Variants in MYO1H observed in about 807,000 individuals in gnomAD.
MYO1H encodes the protein myosin IH.
A neutral mutation model predicts 149.3 loss-of-function variants in MYO1H; 118 were observed. The observed-to-expected ratio is 0.79, with a 90% confidence interval of 0.68 to 0.92. MYO1H has a LOEUF of 0.92. Ranked by LOEUF, MYO1H falls within the 40% of genes least tolerant of loss-of-function variation. The pLI, the probability that MYO1H is intolerant of heterozygous loss-of-function variation, is 0.00. For synonymous variants in MYO1H, 447 were observed against 465.2 expected (o/e 0.96, Z 0.50); for missense variants, 1,212 against 1,280.7 (o/e 0.95, Z 0.82).
rs1872140052 is a variant in MYO1H at position 109,441,761 on chromosome 12, A to T, written c.2632+53A>T. On this transcript the variant is annotated intron_variant, in intron 26 of 31. Coordinates refer to ENST00000310903, the Ensembl canonical transcript of MYO1H. ...TGGCTTTCCAATTCTAAAAGGAGTT[A>T]AAGGGTGGGGTGCGGTGGCTCATGC... 23 of 1,359,990 alleles carry T rather than the reference A, an allele frequency of 1.7e-5. No individual in the cohort carries two copies. In the South Asian group the frequency reaches 3.0e-4, roughly 17 times the overall value. The allele number at this position is 1,359,990 out of a possible 1,614,324, so 84.2% of individuals were successfully genotyped here. A position where few individuals can be genotyped will look rare whatever the true frequency, so the allele number is the denominator to read the frequency against.
At position 109,443,498 on chromosome 12, in the gene MYO1H, C is replaced by T. The variant is rs1420260839; in HGVS notation, c.2689-16C>T. Reference sequence around the variant, plus strand: ...TCTGCCCCACCTTCCCTGGTGAAGTCACCTTCCCCTTGCAGTATGGTGTCC... The same window carrying T: ...TCTGCCCCACCTTCCCTGGTGAAGTTACCTTCCCCTTGCAGTATGGTGTCC... On this transcript the variant is annotated splice_polypyrimidine_tract_variant and intron_variant, in intron 27 of 31. Transcript: ENST00000310903. 6.2e-7 allele frequency: 1 copy of T among 1,611,270 alleles called. No individual in the cohort carries two copies. Among genetic ancestry groups the T allele is most frequent in the Admixed American group, 1.7e-5 (1 of 59,932 alleles).
At chr12:109,444,587 C>T (rs919856059) in intron 30 of MYO1H, 58 bp downstream of exon 30, 3 of 1,370,762 alleles carry the variant, frequency 2.2e-6, no homozygotes, top group Admixed American at 3.5e-5. Flanking sequence ...TTTATTAAGG[C>T]CGAGCGTGGT....
chr12:109,386,122 T>C (rs986097241), intron 1 of MYO1H, among the ~76,000 whole-genome samples: 1 of 152,234 alleles, frequency 6.6e-6, no homozygotes, highest in Non-Finnish European at 1.5e-5. Flanking sequence ...AGTACGACTC[T>C]TTTGTGTCTG....
exon 32 of MYO1H, chr12:109,447,526 CATG>C (rs542727012): frequency 4.7e-5 from 20 of 421,312 alleles, no homozygotes; most frequent in Non-Finnish European, 7.9e-5. Context: ...TGCCCTGAGA[CATG>C]ATGAAATACT....
In MYO1H at chr12:109,447,145, T is replaced by C; in HGVS notation, c.3094-14T>C. ...CGGGGAAGGGCTGTAAACCGAAGTG[T>C]GACTCTCTCCCAGGTGTCAGTCCGG... On this transcript the variant is annotated splice_polypyrimidine_tract_variant and intron_variant, in intron 31 of 31. Coordinates refer to ENST00000310903, the Ensembl canonical transcript of MYO1H. 3 of 1,596,074 alleles carry C rather than the reference T, an allele frequency of 1.9e-6. No individual in the cohort carries two copies. Among genetic ancestry groups the C allele is most frequent in the Non-Finnish European group, 2.6e-6 (3 of 1,170,512 alleles).
intron 22 of MYO1H, among the ~76,000 whole-genome samples, chr12:109,437,284 C>T (rs1292058169): frequency 1.3e-5 from 2 of 152,066 alleles, no homozygotes; most frequent in Non-Finnish European, 1.5e-5. Context: ...TGTTTTTCTT[C>T]AATAGTTTCA....
chr12:109,388,482 C>T (rs1209882114), intron 1 of MYO1H, among the ~76,000 whole-genome samples: 1 of 152,174 alleles, frequency 6.6e-6, no homozygotes, highest in Non-Finnish European at 1.5e-5. Flanking sequence ...TACTTGGTTC[C>T]TATCAGCTGC....
Position 109,442,207 on chromosome 12 carries a change from C to T in MYO1H, c.2633-10C>T. On this transcript the variant is annotated splice_polypyrimidine_tract_variant and intron_variant, in intron 26 of 31. Coordinates refer to ENST00000310903, the Ensembl canonical transcript of MYO1H. ...AGTGATGATTCATGGCCTTCTGGTT[C>T]CCTCTCTAGATGAAGGAGACATTAA... 1.9e-6 allele frequency: 3 copies of T among 1,613,200 alleles called. No individual in the cohort carries two copies. Among genetic ancestry groups the T allele is most frequent in the Non-Finnish European group, 2.5e-6 (3 of 1,179,166 alleles).
the MYO1H span, among the ~76,000 whole-genome samples, chr12:109,338,269 C>G: frequency 1.3e-5 from 2 of 152,028 alleles, no homozygotes; most frequent in Non-Finnish European, 2.9e-5. Flanking sequence ...CCTCATCAGA[C>G]GAGACACTTT....
chr12:109,322,097 G>A, the MYO1H span, among the ~76,000 whole-genome samples: 1 of 152,140 alleles, frequency 6.6e-6, no homozygotes, highest in Non-Finnish European at 1.5e-5. Context: ...AGCCAGATAT[G>A]AGCTGGCTCT....
chr12:109,443,154 G>GTGTACGTA (rs1566045044), intron 27 of MYO1H, among the ~76,000 whole-genome samples: 1 of 52,302 alleles, frequency 1.9e-5, no homozygotes, highest in African/African-American at 8.9e-5. Context: ...GTGTACGTAT[G>GTGTACGTA]TGTGTGTATA....
At chr12:109,387,140 A>T (rs1869373091) in intron 1 of MYO1H, among the ~76,000 whole-genome samples, 1 of 152,024 alleles carries the variant, frequency 6.6e-6, no homozygotes, top group Non-Finnish European at 1.5e-5. Flanking sequence ...TGTGTTGCCC[A>T]GGCTGGTCTC....
At chr12:109,390,543 GA>G (rs1489044882) in intron 2 of MYO1H, among the ~76,000 whole-genome samples, 3 of 151,932 alleles carry the variant, frequency 2.0e-5, no homozygotes, top group Admixed American at 6.6e-5. Context: ...GTAAGTACTT[GA>G]AAAACTTGAA....
chr12:109,389,398 G>A (rs115539562), intron 2 of MYO1H, among the ~76,000 whole-genome samples: 8,889 of 152,156 alleles, frequency 0.058, 851 homozygotes, highest in African/African-American at 0.2. Flanking sequence ...CTCTTACCAG[G>A]CCTGCCCCTG....
chr12:109,356,164 TACTA>T (rs750594083), intron 1 of MYO1H, among the ~76,000 whole-genome samples: 9 of 152,314 alleles, frequency 5.9e-5, no homozygotes, highest in Admixed American at 1.3e-4. Flanking sequence ...CTAATTTTCT[TACTA>T]ACCCAAGGGA....
At chr12:109,402,222 C>T (rs1056330112) in intron 6 of MYO1H, among the ~76,000 whole-genome samples, 3 of 152,170 alleles carry the variant, frequency 2.0e-5, no homozygotes, top group African/African-American at 4.8e-5. Context: ...CCTGCACTAG[C>T]GTCCTACAAT....
intron 1 of MYO1H, among the ~76,000 whole-genome samples, chr12:109,378,783 G>A (rs1869140739): frequency 6.6e-6 from 1 of 151,882 alleles, no homozygotes. Context: ...GTGAGAGGAA[G>A]CAAGAGAGAG....
the MYO1H span, among the ~76,000 whole-genome samples, chr12:109,337,888 C>T: frequency 6.6e-6 from 1 of 152,120 alleles, no homozygotes; most frequent in Non-Finnish European, 1.5e-5. Context: ...ACTCAGTAGA[C>T]AGTTGGGATG....
At chr12:109,439,544 C>A (rs1872022035) in intron 23 of MYO1H, 87 bp from the exon 24 acceptor site, 5 of 1,403,886 alleles carry the variant, frequency 3.6e-6, no homozygotes, top group Non-Finnish European at 4.8e-6. Flanking sequence ...ACCACTTTGG[C>A]CGCCTCTGAA....
Sources: gnomAD v4.1 joint callset for allele counts (sites outside exome capture counted in the v4.1 genomes callset) on GRCh38, gnomAD v4.1.1 for gene constraint, MANE v1.5 for transcripts, NCBI Gene and HGNC (gene_info 2026-07-23, HGNC 2026-07-21) for gene names.